ST6GALNAC5: variants seen among roughly 807,000 people sequenced by gnomAD.
The protein encoded by ST6GALNAC5 is ST6 N-acetylgalactosaminide alpha-2,6-sialyltransferase 5, also known as alpha-N-acetylgalactosaminide alpha-2,6-sialyltransferase 5.
Under a neutral mutation model 33.6 loss-of-function variants are expected in ST6GALNAC5, and 27 were observed. The observed-to-expected ratio is 0.80, with a 90% CI of 0.59 to 1.11. The LOEUF (loss-of-function observed/expected upper bound fraction) is 1.11, where lower values mean the gene tolerates loss of function less well. Ranked by LOEUF, ST6GALNAC5 falls within the 50% of genes least tolerant of loss-of-function variation. ST6GALNAC5 has a pLI of 0.00. For synonymous variants in ST6GALNAC5, 194 were observed against 171.2 expected, an observed-to-expected ratio of 1.13 and a Z score of -1.04; for missense variants, 428 against 454.0, an observed-to-expected ratio of 0.94 and a Z score of 0.52.
At chr1:76,924,384 A>T (rs1218443784) in intron 2 of ST6GALNAC5, among the ~76,000 whole-genome samples, 1 of 152,116 alleles carries the variant, frequency 6.6e-6, no homozygotes. Context: ...TCCCCTCCAC[A>T]TTTACTTTTA....
intron 2 of ST6GALNAC5, among the ~76,000 whole-genome samples, chr1:76,942,980 T>C (rs1371888384): frequency 1.3e-5 from 2 of 152,132 alleles, no homozygotes; most frequent in Non-Finnish European, 1.5e-5. Flanking sequence ...AACAACTCTA[T>C]GTCCTCCCTA....
intron 2 of ST6GALNAC5, among the ~76,000 whole-genome samples, chr1:77,033,603 G>A (rs34689103): frequency 6.6e-6 from 1 of 151,966 alleles, no homozygotes; most frequent in African/African-American, 2.4e-5. Flanking sequence ...GTTATGTGGG[G>A]TAACATCGTT....
In ST6GALNAC5 at chr1:76,868,853, G is replaced by C; in HGVS notation, c.261+111G>C. ...CGCTGTGAGTAGGTGCCGTTCGAAG[G>C]CTGGAGGGGAGTGGACCCGCTGGGG... On this transcript the variant is annotated intron_variant, in intron 2 of 4. Coordinates refer to ENST00000477717, the MANE Select transcript of ST6GALNAC5 (RefSeq NM_030965.3). This position sits in a 1 kb window ranked among gnomAD's most constrained non-coding sequence, Gnocchi z 4.3. 2 of 1,414,924 alleles carry C rather than the reference G, an allele frequency of 1.4e-6. No individual in the cohort carries two copies. The highest frequency in any genetic ancestry group is 1.8e-6 in the Non-Finnish European group (2 of 1,088,984). 87.6% of individuals were successfully genotyped at this position (1,414,924 alleles called of 1,614,324 possible).
At chr1:76,996,361 A>G (rs1302406563) in intron 2 of ST6GALNAC5, among the ~76,000 whole-genome samples, 1 of 152,192 alleles carries the variant, frequency 6.6e-6, no homozygotes, top group African/African-American at 2.4e-5. Flanking sequence ...TGCGCCAGAC[A>G]TGCAAAAAAC....
At position 76,868,484 on chromosome 1, in the gene ST6GALNAC5, C is replaced by T; in HGVS notation, c.16-13C>T. ...TCAGCCGCTCTCCTCTTCTCTCTCC[C>T]GCCCGCCCGCAGCGCCATGGTCTGG... On this transcript the variant is annotated splice_polypyrimidine_tract_variant and intron_variant, in intron 1 of 4. Transcript: ENST00000477717. The surrounding 1 kb of genome is among the most constrained non-coding windows in gnomAD (Gnocchi z 4.3). The T allele has an allele frequency of 6.3e-7, 1 of 1,597,002 alleles. No homozygotes were observed. The highest frequency in any genetic ancestry group is 8.6e-7 in the Non-Finnish European group (1 of 1,169,258).
chr1:77,035,249 A>T (rs542850094), intron 2 of ST6GALNAC5, among the ~76,000 whole-genome samples: 9 of 152,296 alleles, frequency 5.9e-5, no homozygotes, highest in Admixed American at 3.3e-4. Flanking sequence ...TTATTCCATA[A>T]GTCTATGAAG....
chr1:77,054,573 TG>T (rs1286368277), intron 4 of ST6GALNAC5, among the ~76,000 whole-genome samples: 1 of 152,186 alleles, frequency 6.6e-6, no homozygotes, highest in Non-Finnish European at 1.5e-5. Flanking sequence ...ACCTTATTAT[TG>T]TCCCAAAGAG....
chr1:77,014,192 C>A (rs530991115), intron 2 of ST6GALNAC5, among the ~76,000 whole-genome samples: 18 of 152,320 alleles, frequency 1.2e-4, no homozygotes, highest in African/African-American at 4.3e-4. Flanking sequence ...TTTCCTCTAA[C>A]CTTTTCGGCA....
chr1:77,016,930 T>G (rs1413610872), intron 2 of ST6GALNAC5, among the ~76,000 whole-genome samples: 1 of 152,132 alleles, frequency 6.6e-6, no homozygotes, highest in Non-Finnish European at 1.5e-5. Flanking sequence ...TATTAAGACC[T>G]CTTTTTTCTG....
chr1:77,066,510 G>C lies in ST6GALNAC5; in HGVS notation c.*3304G>C, dbSNP rs1429507395. 6.6e-6 allele frequency among the ~76,000 whole-genome samples: 1 copy of C among 152,214 alleles called. No homozygotes were observed. Among genetic ancestry groups the C allele is most frequent in the African/African-American group, 2.4e-5 (1 of 41,452 alleles). ...TGCTAAGTAAAAGTAGAAGGAGAAA[G>C]TTGAAATTCTATTAGGATTAAGACA... On this transcript the variant is annotated 3_prime_UTR_variant, in exon 5 of 5. Coordinates refer to ENST00000477717, the MANE Select transcript of ST6GALNAC5 (RefSeq NM_030965.3).
chr1:77,039,854 T>A (rs1206767019), intron 2 of ST6GALNAC5, among the ~76,000 whole-genome samples: 1 of 152,198 alleles, frequency 6.6e-6, no homozygotes, highest in African/African-American at 2.4e-5. Flanking sequence ...ACCTCCCCTC[T>A]TGTGTCTTCG....
At position 77,064,856 on chromosome 1, in the gene ST6GALNAC5, C is replaced by A. The variant is rs1452852148; in HGVS notation, c.*1650C>A. On this transcript the variant is annotated 3_prime_UTR_variant, in exon 5 of 5. Coordinates refer to ENST00000477717, the MANE Select transcript of ST6GALNAC5 (RefSeq NM_030965.3). ...TAAAAGAAGTTTTATCGCATTACCA[C>A]TTCTTTTCCCTTTTCTTAATTAGTA... is the stretch of plus-strand genomic sequence containing the variant. The A allele has an allele frequency of 1.3e-5, 2 of 152,178 alleles. No individual in the cohort carries two copies. Among genetic ancestry groups the A allele is most frequent in the Non-Finnish European group, 2.9e-5 (2 of 68,026 alleles). The allele number at this position is 152,178 out of a possible 1,614,324, so 9.4% of individuals were successfully genotyped here.
At chr1:77,052,917 CAAAAA>C (rs34398611) in intron 4 of ST6GALNAC5, among the ~76,000 whole-genome samples, 2 of 69,978 alleles carry the variant, frequency 2.9e-5, no homozygotes, top group Non-Finnish European at 2.6e-5. Context: ...GGCTCTGTCT[CAAAAA>C]AAAAAAAAAA....
chr1:76,985,812 T>C (rs1298453661), intron 2 of ST6GALNAC5, among the ~76,000 whole-genome samples: 1 of 152,102 alleles, frequency 6.6e-6, no homozygotes, highest in Non-Finnish European at 1.5e-5. Context: ...AACAGATATA[T>C]AGACCAATGG....
chr1:76,992,676 T>C lies in ST6GALNAC5; in HGVS notation c.262-51528T>C, dbSNP rs1466080799. ...TGCCCAGCTAATTTTTCTATTTCTTTGTAGAGATGAATTTTCACCATGTTG... is the reference window on the plus strand; with the variant it reads ...TGCCCAGCTAATTTTTCTATTTCTTCGTAGAGATGAATTTTCACCATGTTG... On this transcript the variant is annotated intron_variant, in intron 2 of 4. Transcript: ENST00000477717. 3.9e-5 allele frequency among the ~76,000 whole-genome samples: 6 copies of C among 152,072 alleles called. No individual in the cohort carries two copies. The East Asian group carries it at 1.2e-3, about 29-fold the overall frequency.
Position 76,868,523 on chromosome 1 carries a change from G to A in ST6GALNAC5, c.42G>A (p.Ala14=), listed in dbSNP as rs779167206. ...LMRHGLAVCL[A]LTTMCTSLLL... ...GCCATGGTCTGGCAGTGTGTTTAGC[G>A]CTCACCACCATGTGCACCAGCTTGT... Residue 14 remains alanine, a synonymous_variant, in exon 2 of 5, where the codon GCG becomes GCA. Transcript: ENST00000477717. This position sits in a 1 kb window ranked among gnomAD's most constrained non-coding sequence, Gnocchi z 4.3. 1 of 1,611,980 alleles carries A rather than the reference G, an allele frequency of 6.2e-7. No homozygotes were observed. Among genetic ancestry groups the A allele is most frequent in the African/African-American group, 1.3e-5 (1 of 74,758 alleles).
chr1:77,017,453 G>A (rs1650893824), intron 2 of ST6GALNAC5, among the ~76,000 whole-genome samples: 2 of 152,098 alleles, frequency 1.3e-5, no homozygotes, highest in Admixed American at 1.3e-4. Context: ...CATGGGTGAG[G>A]GTCAAGGGCA....
intron 2 of ST6GALNAC5, among the ~76,000 whole-genome samples, chr1:76,899,054 T>A (rs1478695897): frequency 1.3e-5 from 2 of 152,178 alleles, no homozygotes; most frequent in Non-Finnish European, 2.9e-5. Context: ...GCCTATTTTA[T>A]GACAAAAATT....
rs112492335 is a variant in ST6GALNAC5 at position 76,961,176 on chromosome 1, G to A, written c.262-83028G>A. 8.2e-3 allele frequency among the ~76,000 whole-genome samples: 1,255 copies of A among 152,188 alleles called. 17 individuals are homozygous for A. Among genetic ancestry groups the A allele is most frequent in the African/African-American group, 0.028 (1,148 of 41,526 alleles). On this transcript the variant is annotated intron_variant, in intron 2 of 4. Transcript: ENST00000477717. ...ATGTTCTTCTGCCATGGCTTCAGCC[G>A]GTCCCTCCATTCGGGGTTCCTGACT... is the stretch of plus-strand genomic sequence containing the variant.
Sources: allele counts gnomAD v4.1 joint callset (sites outside exome capture counted in the v4.1 genomes callset), GRCh38; gene constraint gnomAD v4.1.1; non-coding constraint Gnocchi (gnomAD v3.1); transcripts MANE v1.5; gene names NCBI Gene and HGNC (gene_info 2026-07-23, HGNC 2026-07-21).